PTCRA: variants seen among roughly 807,000 people sequenced by gnomAD.
The protein encoded by PTCRA is pre T-cell antigen receptor alpha.
In PTCRA, 9 loss-of-function variants were observed where a neutral mutation model predicts 13.4. That is an observed-to-expected ratio of 0.67 (90% confidence interval 0.41 to 1.18). PTCRA has a LOEUF of 1.18. PTCRA is among the 50% of genes most tolerant of loss of function. PTCRA has a pLI of 0.01. For missense variants in PTCRA, 353 were observed against 359.8 expected, an observed-to-expected ratio of 0.98 and a Z score of 0.15; for synonymous variants, 153 against 161.9, an observed-to-expected ratio of 0.94 and a Z score of 0.42.
chr6:42,921,226 T>C (rs1767140992), intron 1 of PTCRA, among the ~76,000 whole-genome samples: 1 of 149,834 alleles, frequency 6.7e-6, no homozygotes, highest in African/African-American at 2.5e-5. Context: ...TCAAGCCTCC[T>C]GAGTAGCTGG....
In PTCRA at chr6:42,925,162, G is replaced by A; in HGVS notation, c.425-99G>A. On this transcript the variant is annotated intron_variant, in intron 3 of 3. Transcript: ENST00000304672. The surrounding 1 kb of genome is among the most constrained non-coding windows in gnomAD (Gnocchi z 4.4). ...ACTTTCCCTGGAGGAGGGGGTGAAGGGGACGGGCAAGGGCAGAGGACAAGG... is the reference window on the plus strand; with the variant it reads ...ACTTTCCCTGGAGGAGGGGGTGAAGAGGACGGGCAAGGGCAGAGGACAAGG... 2.1e-6 allele frequency: 3 copies of A among 1,452,880 alleles called. No homozygotes were observed. The highest frequency in any genetic ancestry group is 2.7e-5 in the South Asian group (2 of 73,104). The allele number at this position is 1,452,880 out of a possible 1,614,324, so 90.0% of individuals were successfully genotyped here.
chr6:42,918,263 A>G (rs1340242744), intron 1 of PTCRA, among the ~76,000 whole-genome samples: 1 of 151,378 alleles, frequency 6.6e-6, no homozygotes, highest in African/African-American at 2.4e-5. Flanking sequence ...CTCAAAAAAA[A>G]AAAAAGCCAG....
chr6:42,916,179 C>A, intron 1 of PTCRA, 52 bp downstream of exon 1: 1 of 1,546,710 alleles, frequency 6.5e-7, no homozygotes, highest in Non-Finnish European at 8.9e-7. Flanking sequence ...TGCCGAAGCC[C>A]ATCCCCTCAC....
intron 1 of PTCRA, among the ~76,000 whole-genome samples, chr6:42,920,614 A>G (rs1767107151): frequency 6.6e-6 from 1 of 151,562 alleles, no homozygotes; most frequent in African/African-American, 2.4e-5. Context: ...TTTAGTAGAG[A>G]CGGGGTTTCA....
intron 1 of PTCRA, among the ~76,000 whole-genome samples, chr6:42,916,670 G>A (rs1489133814): frequency 5.3e-5 from 8 of 152,138 alleles, no homozygotes; most frequent in Non-Finnish European, 1.2e-4. Context: ...TTTACCCCCA[G>A]CCCTCCCATG....
chr6:42,923,220 C>T lies in PTCRA; in HGVS notation c.252C>T (p.Gly84=), dbSNP rs1767273877. ...FTYGPSPATD[G]TWTNLAHLSL... is the part of the protein sequence containing the mutation. ...ATGGCCCTTCCCCAGCAACGGATGG[C>T]ACCTGGACCAACTTGGCCCATCTCT... Residue 84 remains glycine (G), a synonymous_variant, in exon 2 of 4, where the codon GGC becomes GGT. Coordinates refer to ENST00000304672, the MANE Select transcript of PTCRA (RefSeq NM_138296.3). 1 of 1,614,120 alleles carries T rather than the reference C, an allele frequency of 6.2e-7. No individual in the cohort carries two copies. The highest frequency in any genetic ancestry group is 1.7e-5 in the Admixed American group (1 of 60,002).
chr6:42,916,278 A>C (rs1766874686), intron 1 of PTCRA, 151 bp downstream of exon 1: 6 of 721,112 alleles, frequency 8.3e-6, no homozygotes, highest in East Asian at 2.8e-5. Flanking sequence ...TGGGGAGGGG[A>C]CCTCTGGGGA....
intron 1 of PTCRA, among the ~76,000 whole-genome samples, chr6:42,921,607 G>A (rs1408328641): frequency 6.7e-6 from 1 of 149,892 alleles, no homozygotes; most frequent in Non-Finnish European, 1.5e-5. Flanking sequence ...TAGTAGAGAT[G>A]GGGTTTCACC....
intron 1 of PTCRA, among the ~76,000 whole-genome samples, chr6:42,917,199 T>C (rs986985203): frequency 2.4e-4 from 26 of 108,260 alleles, no homozygotes; most frequent in African/African-American, 1.7e-3. Flanking sequence ...TATATTATTA[T>C]TATTATTATT....
At chr6:42,920,936 AGGCAC>A (rs1767125304) in intron 1 of PTCRA, among the ~76,000 whole-genome samples, 1 of 150,718 alleles carries the variant, frequency 6.6e-6, no homozygotes, top group Non-Finnish European at 1.5e-5. Context: ...CTGGGACTAC[AGGCAC>A]GTGCCACCAC....
chr6:42,920,581 C>T (rs1041729544), intron 1 of PTCRA, among the ~76,000 whole-genome samples: 3 of 151,272 alleles, frequency 2.0e-5, no homozygotes, highest in Admixed American at 6.6e-5. Flanking sequence ...GCTGCCACCA[C>T]GCCCGGCTAA....
intron 1 of PTCRA, among the ~76,000 whole-genome samples, chr6:42,922,730 A>T (rs1432630401): frequency 6.7e-6 from 1 of 148,966 alleles, no homozygotes; most frequent in Non-Finnish European, 1.5e-5. Context: ...ACAGAGCAAA[A>T]TTCCATCTCA....
chr6:42,922,139 G>A, intron 1 of PTCRA: 1 of 675,992 alleles, frequency 1.5e-6, no homozygotes, highest in Non-Finnish European at 2.7e-6. Context: ...TTAACATTTT[G>A]CCATATTTAA....
At chr6:42,921,180 C>T (rs1313209194) in intron 1 of PTCRA, among the ~76,000 whole-genome samples, 44 of 152,086 alleles carry the variant, frequency 2.9e-4, no homozygotes, top group African/African-American at 9.9e-4. Flanking sequence ...TGGCTCACTG[C>T]AACCTCCGCC....
chr6:42,920,811 C>CTT (rs544790680), intron 1 of PTCRA, among the ~76,000 whole-genome samples: 2,666 of 122,782 alleles, frequency 0.022, 110 homozygotes, highest in African/African-American at 0.074. Flanking sequence ...CTAAACAAAG[C>CTT]TTTTTTTTTT....
At chr6:42,924,430 C>T in intron 3 of PTCRA, 157 bp downstream of exon 3, 1 of 689,954 alleles carries the variant, frequency 1.4e-6, no homozygotes, top group South Asian at 1.6e-5. Flanking sequence ...CACTGGCTAG[C>T]ATGGGCCTCA....
chr6:42,921,183 C>T (rs983008659), intron 1 of PTCRA, among the ~76,000 whole-genome samples: 1 of 151,878 alleles, frequency 6.6e-6, no homozygotes, highest in Non-Finnish European at 1.5e-5. Flanking sequence ...CTCACTGCAA[C>T]CTCCGCCTCT....
At position 42,923,151 on chromosome 6, in the gene PTCRA, C is replaced by T; in HGVS notation, c.183C>T (p.Ile61=). 6.2e-7 allele frequency: 1 copy of T among 1,614,254 alleles called. No individual in the cohort carries two copies. Among genetic ancestry groups the T allele is most frequent in the South Asian group, 1.1e-5 (1 of 91,090 alleles). ...CACCCCCTGGCCTTGACAGCCCCATCTGGTTCTCAGCCGGCAATGGCAGTG... is the reference window on the plus strand; with the variant it reads ...CACCCCCTGGCCTTGACAGCCCCATTTGGTTCTCAGCCGGCAATGGCAGTG... ...DVAPPGLDSP[I]WFSAGNGSAL... is the part of the protein sequence containing the mutation. Residue 61 remains isoleucine (I), a synonymous_variant, in exon 2 of 4, where the codon ATC becomes ATT. Coordinates refer to ENST00000304672, the MANE Select transcript of PTCRA (RefSeq NM_138296.3).
chr6:42,924,745 G>A (rs1767342305), intron 3 of PTCRA, among the ~76,000 whole-genome samples: 1 of 152,114 alleles, frequency 6.6e-6, no homozygotes, highest in Admixed American at 6.6e-5. Flanking sequence ...GGCCGAGGTG[G>A]GTGGATCACG....
Sources: gnomAD v4.1 joint callset for allele counts (sites outside exome capture counted in the v4.1 genomes callset) on GRCh38, gnomAD v4.1.1 for gene constraint, Gnocchi (gnomAD v3.1) non-coding constraint, MANE v1.5 for transcripts, NCBI Gene and HGNC (gene_info 2026-07-23, HGNC 2026-07-21) for gene names.